Variants in SYN3 observed in about 807,000 individuals in gnomAD.
SYN3 encodes the protein synapsin-3.
SYN3 carries 35 observed loss-of-function variants against 65.8 expected under a neutral mutation model. That is an observed-to-expected ratio of 0.53 (90% CI 0.41 to 0.70). The LOEUF is 0.70. Ranked by LOEUF, SYN3 falls within the 30% of genes least tolerant of loss-of-function variation. SYN3 has a pLI of 0.00. For missense variants in SYN3, 680 were observed against 749.0 expected, an observed-to-expected ratio of 0.91 and a Z score of 1.08; for synonymous variants, 270 against 292.9, an observed-to-expected ratio of 0.92 and a Z score of 0.80.
intron 4 of SYN3, among the ~76,000 whole-genome samples, chr22:32,922,542 A>G (rs1167409936): frequency 1.3e-5 from 2 of 152,114 alleles, no homozygotes; most frequent in Non-Finnish European, 2.9e-5. Context: ...TTTTGGCTCA[A>G]CTAAGTCCGG....
At chr22:32,794,884 G>A (rs1385754927) in intron 6 of SYN3, among the ~76,000 whole-genome samples, 1 of 152,198 alleles carries the variant, frequency 6.6e-6, no homozygotes, top group Non-Finnish European at 1.5e-5. Context: ...GAATATATTG[G>A]TGGCGGCTAG....
At chr22:32,538,270 T>C (rs1393306202) in intron 8 of SYN3, among the ~76,000 whole-genome samples, 160 bp from the exon 9 acceptor site, 1 of 152,274 alleles carries the variant, frequency 6.6e-6, no homozygotes, top group Non-Finnish European at 1.5e-5. Context: ...TATATTTTCC[T>C]ATGTTTATTT....
chr22:32,794,122 A>C (rs529103885), intron 6 of SYN3, among the ~76,000 whole-genome samples: 34 of 152,296 alleles, frequency 2.2e-4, no homozygotes, highest in Middle Eastern at 3.4e-3. Context: ...TGAGCACTGG[A>C]ATTTCCTCAG....
chr22:32,639,143 C>T (rs570047462), intron 6 of SYN3, among the ~76,000 whole-genome samples: 6 of 152,202 alleles, frequency 3.9e-5, no homozygotes, highest in African/African-American at 1.2e-4. Flanking sequence ...TTAGTAGAGA[C>T]GGGGTTTCAC....
At chr22:32,859,246 C>G (rs749155003) in intron 6 of SYN3, 1 of 1,614,176 alleles carries the variant, frequency 6.2e-7, no homozygotes, top group South Asian at 1.1e-5. Flanking sequence ...GACCGACATG[C>G]TCTCCAATTT....
chr22:32,944,405 A>G (rs557694636), intron 3 of SYN3, among the ~76,000 whole-genome samples: 1 of 152,154 alleles, frequency 6.6e-6, no homozygotes, highest in African/African-American at 2.4e-5. Flanking sequence ...AAATCAATAA[A>G]CGTAATCCAG....
chr22:32,709,911 T>C (rs2060932887), intron 6 of SYN3, among the ~76,000 whole-genome samples: 1 of 151,980 alleles, frequency 6.6e-6, no homozygotes. Context: ...ACTAATCGGA[T>C]TACTGTACAG....
intron 1 of SYN3, among the ~76,000 whole-genome samples, chr22:33,055,879 A>G (rs979580637): frequency 6.6e-6 from 1 of 152,090 alleles, no homozygotes; most frequent in African/African-American, 2.4e-5. Context: ...GATAGCGCCT[A>G]CTCCTTAAGA....
intron 10 of SYN3, among the ~76,000 whole-genome samples, chr22:32,532,943 AG>A (rs971263132): frequency 1.3e-5 from 2 of 148,284 alleles, no homozygotes; most frequent in African/African-American, 5.0e-5. Flanking sequence ...GGGCCTTTTC[AG>A]GGGAAAGCAG....
rs1183306853 is a variant in SYN3 at position 32,679,209 on chromosome 22, C to T, written c.712-82473G>A. On this transcript the variant is annotated intron_variant, in intron 6 of 13. Coordinates refer to ENST00000358763, the MANE Select transcript of SYN3 (RefSeq NM_003490.4). ...CTGGGACTACAGGCACCCACAACCA[C>T]ATCCAGCTAATTTTTGTATTTTTAG... Among the ~76,000 whole-genome samples the T allele has an allele frequency of 2.0e-5, 3 of 151,960 alleles. 1 individual carries two copies. Among genetic ancestry groups the T allele is most frequent in the East Asian group, 3.9e-4 (2 of 5,186 alleles).
intron 2 of SYN3, among the ~76,000 whole-genome samples, chr22:32,987,178 A>G (rs1316137890): frequency 6.6e-6 from 1 of 152,074 alleles, no homozygotes; most frequent in Non-Finnish European, 1.5e-5. Context: ...GTCTCTCCGC[A>G]GGCCACCCCC....
chr22:32,893,297 C>T (rs573478805), intron 4 of SYN3, among the ~76,000 whole-genome samples: 1 of 152,338 alleles, frequency 6.6e-6, no homozygotes, highest in East Asian at 1.9e-4. Context: ...CTGCCGTAGG[C>T]ACTGGGCTGT....
At chr22:32,688,971 C>T (rs1248436234) in intron 6 of SYN3, among the ~76,000 whole-genome samples, 1 of 152,178 alleles carries the variant, frequency 6.6e-6, no homozygotes, top group East Asian at 1.9e-4. Flanking sequence ...GACCTAAGAC[C>T]CCAAGCCTCA....
intron 6 of SYN3, among the ~76,000 whole-genome samples, chr22:32,702,708 C>A (rs966402751): frequency 1.3e-5 from 2 of 150,768 alleles, no homozygotes; most frequent in South Asian, 2.1e-4. Context: ...TTTAGCAATC[C>A]TGAAAGAACT....
Position 32,789,580 on chromosome 22 carries a change from T to C in SYN3, c.711+75335A>G, listed in dbSNP as rs1163580752. Among the ~76,000 whole-genome samples, 6 of 152,322 alleles carry C rather than the reference T, an allele frequency of 3.9e-5. No homozygotes were observed. In the East Asian group the frequency reaches 1.2e-3, roughly 29 times the overall value. ...AACCTCAAACACAATGTTCCAGCAA[T>C]GCTTTTGTGTGGAGAATTATTAGTA... On this transcript the variant is annotated intron_variant, in intron 6 of 13. Transcript: ENST00000358763.
chr22:32,721,707 C>A (rs918731849), intron 6 of SYN3, among the ~76,000 whole-genome samples: 44 of 152,204 alleles, frequency 2.9e-4, no homozygotes, highest in Non-Finnish European at 2.9e-5. Context: ...GCACTTTTCT[C>A]AGCCTTCATT....
chr22:32,631,109 A>G (rs1258146920), intron 6 of SYN3, among the ~76,000 whole-genome samples: 1 of 152,130 alleles, frequency 6.6e-6, no homozygotes, highest in Non-Finnish European at 1.5e-5. Context: ...AGCTTGGACA[A>G]CATGGAGAAA....
At chr22:32,876,317 C>T (rs917452373) in intron 4 of SYN3, among the ~76,000 whole-genome samples, 5 of 152,130 alleles carry the variant, frequency 3.3e-5, no homozygotes, top group African/African-American at 4.8e-5. Flanking sequence ...ACCTCCTAAT[C>T]GCATTGGGCG....
At chr22:32,833,102 G>T (rs2047625609) in intron 6 of SYN3, among the ~76,000 whole-genome samples, 1 of 152,148 alleles carries the variant, frequency 6.6e-6, no homozygotes, top group South Asian at 2.1e-4. Context: ...GTCTCAAGCT[G>T]TCCTACCAGC....
Sources: allele counts gnomAD v4.1 joint callset (sites outside exome capture counted in the v4.1 genomes callset), GRCh38; gene constraint gnomAD v4.1.1; transcripts MANE v1.5; gene names NCBI Gene and HGNC (gene_info 2026-07-23, HGNC 2026-07-21).